Variants in MYCBP2 observed in about 807,000 individuals in gnomAD.
The protein encoded by MYCBP2 is E3 ubiquitin-protein ligase MYCBP2.
In MYCBP2, 120 loss-of-function variants were observed where a neutral mutation model predicts 525.3. That is an observed-to-expected ratio of 0.23 (90% CI 0.20 to 0.27). MYCBP2 has a LOEUF of 0.27. Ranked by LOEUF, MYCBP2 falls within the 10% of genes least tolerant of loss-of-function variation. The pLI is 1.00. For missense variants in MYCBP2, 4,149 were observed against 5,657.1 expected, an observed-to-expected ratio of 0.73 and a Z score of 8.55; for synonymous variants, 1,894 against 1,955.8, an observed-to-expected ratio of 0.97 and a Z score of 0.83.
At chr13:77,160,336 C>T (rs1439232455) in intron 44 of MYCBP2, among the ~76,000 whole-genome samples, 1 of 152,172 alleles carries the variant, frequency 6.6e-6, no homozygotes, top group African/African-American at 2.4e-5. Flanking sequence ...TGCTCTATGC[C>T]TCATTTGTAA....
intron 44 of MYCBP2, 104 bp downstream of exon 44, chr13:77,161,802 A>G: frequency 1.2e-6 from 1 of 806,948 alleles, no homozygotes. Context: ...AAAGTGAAGT[A>G]CTTAATGAAT....
At chr13:77,188,386 G>T (rs1454390781) in intron 30 of MYCBP2, among the ~76,000 whole-genome samples, 1 of 152,156 alleles carries the variant, frequency 6.6e-6, no homozygotes. Context: ...ATGCTATGAT[G>T]TAATTTACTT....
At chr13:77,154,732 T>A (rs2154197476) in intron 46 of MYCBP2, among the ~76,000 whole-genome samples, 1 of 152,230 alleles carries the variant, frequency 6.6e-6, no homozygotes, top group African/African-American at 2.4e-5. Context: ...CTTCAACATC[T>A]TAACGTGTAT....
intron 7 of MYCBP2, among the ~76,000 whole-genome samples, chr13:77,268,706 G>A (rs969685399): frequency 2.0e-5 from 3 of 151,942 alleles, no homozygotes; most frequent in Non-Finnish European, 4.4e-5. Flanking sequence ...CTGAACCTGG[G>A]AGGCGGAGGT....
chr13:77,227,417 C>A (rs560981131), intron 18 of MYCBP2, among the ~76,000 whole-genome samples: 1 of 150,588 alleles, frequency 6.6e-6, no homozygotes, highest in Non-Finnish European at 1.5e-5. Context: ...TTCAAAGCCT[C>A]CTCATGTTGG....
chr13:77,087,353 A>G (rs533238678), intron 62 of MYCBP2, 131 bp downstream of exon 62: 1 of 784,344 alleles, frequency 1.3e-6, no homozygotes, highest in East Asian at 2.7e-5. Flanking sequence ...TACTTTGCCC[A>G]TAGCACTAAA....
At chr13:77,187,579 C>T (rs953419899) in intron 30 of MYCBP2, among the ~76,000 whole-genome samples, 6 of 152,022 alleles carry the variant, frequency 3.9e-5, no homozygotes, top group Non-Finnish European at 7.4e-5. Flanking sequence ...AATAATGGTA[C>T]GCAAACGGAG....
Position 77,191,695 on chromosome 13 carries a change from T to A in MYCBP2, c.4054A>T (p.Ile1352Phe). 2 of 1,614,016 alleles carry A rather than the reference T, an allele frequency of 1.2e-6. No homozygotes were observed. Among genetic ancestry groups the A allele is most frequent in the South Asian group, 2.2e-5 (2 of 91,066 alleles). ...SDCGSHGQAS[I>F]TTDDGVVFQF... is the part of the protein sequence containing the mutation. ...TTTACTTACCCATCATCTGTGGTAA[T>A]AGATGCCTGTCCATGAGATCCACAG... The change falls in exon 28 of 83, where the codon ATT becomes TTT. Residue 1352 changes from isoleucine to phenylalanine, a missense_variant. Around this residue, in one of 21 missense-constraint regions of MYCBP2, gnomAD observed 620 missense variants for 795.5 expected, o/e 0.78. Coordinates refer to ENST00000544440, the MANE Select transcript of MYCBP2 (RefSeq NM_015057.5).
At chr13:77,162,341 C>T (rs2058034049) in intron 43 of MYCBP2, among the ~76,000 whole-genome samples, 1 of 152,314 alleles carries the variant, frequency 6.6e-6, no homozygotes, top group South Asian at 2.1e-4. Context: ...CTTTAGTAAA[C>T]AACAGGGACT....
At chr13:77,217,644 G>A (rs2065006781) in intron 21 of MYCBP2, among the ~76,000 whole-genome samples, 196 bp downstream of exon 21, 1 of 152,094 alleles carries the variant, frequency 6.6e-6, no homozygotes, top group Non-Finnish European at 1.5e-5. Flanking sequence ...CTAATGCTGA[G>A]CTAGAGAGGA....
Position 77,072,255 on chromosome 13 carries a change from C to T in MYCBP2, c.11824-1544G>A, listed in dbSNP as rs189852043. On this transcript the variant is annotated intron_variant, in intron 68 of 82. Transcript: ENST00000544440. ...GCAGTGAGCCGAGATTGCACCACTGCACTCCAGCCTGGGCGACAGGGCAAG... is the reference window on the plus strand; with the variant it reads ...GCAGTGAGCCGAGATTGCACCACTGTACTCCAGCCTGGGCGACAGGGCAAG... 2.4e-3 allele frequency among the ~76,000 whole-genome samples: 346 copies of T among 145,596 alleles called. 5 individuals carry two copies. Among genetic ancestry groups the T allele is most frequent in the African/African-American group, 8.6e-3 (336 of 39,194 alleles).
At chr13:77,137,248 G>A (rs565727860) in intron 52 of MYCBP2, among the ~76,000 whole-genome samples, 4 of 152,214 alleles carry the variant, frequency 2.6e-5, no homozygotes, top group East Asian at 3.9e-4. Context: ...AAATAAAATC[G>A]TGGGATTCAG....
chr13:77,165,363 A>C lies in MYCBP2; in HGVS notation c.6369T>G (p.Thr2123=). ...TGTCATCTTTCACATAATCTGATGC[A>C]GTCTCCAATGAAAAAAGGGCCTCAT... ...PGNEALFSLE[T]ASDYVKDDKA... is the part of the protein sequence containing the mutation. The change falls in exon 42 of 83, where the codon ACT becomes ACG. Residue 2123 remains threonine, a synonymous_variant. Transcript: ENST00000544440. 6.2e-7 allele frequency: 1 copy of C among 1,606,132 alleles called. No individual in the cohort carries two copies. Among genetic ancestry groups the C allele is most frequent in the Non-Finnish European group, 8.5e-7 (1 of 1,177,834 alleles).
chr13:77,205,177 C>T (rs2154275337), intron 26 of MYCBP2, 79 bp downstream of exon 26: 1 of 1,263,178 alleles, frequency 7.9e-7, no homozygotes, highest in Non-Finnish European at 1.0e-6. Flanking sequence ...AAAAATTAGA[C>T]ATTAAATAAT....
chr13:77,267,368 CTCTG>C (rs1398079405), intron 8 of MYCBP2, among the ~76,000 whole-genome samples: 2 of 150,960 alleles, frequency 1.3e-5, no homozygotes, highest in Non-Finnish European at 3.0e-5. Context: ...ACCCTAAACT[CTCTG>C]TCTCTGAAAC....
intron 55 of MYCBP2, chr13:77,118,499 C>T (rs773012960): frequency 1.4e-5 from 11 of 764,622 alleles, no homozygotes; most frequent in South Asian, 1.1e-4. Context: ...TGGTCACCTG[C>T]AGTGGGTAAA....
At chr13:77,132,907 T>C (rs2053140759) in intron 52 of MYCBP2, among the ~76,000 whole-genome samples, 1 of 152,168 alleles carries the variant, frequency 6.6e-6, no homozygotes, top group South Asian at 2.1e-4. Flanking sequence ...AGATTCCACA[T>C]CTTCAGAATT....
chr13:77,118,250 G>A (rs917488492), intron 55 of MYCBP2: 1 of 611,860 alleles, frequency 1.6e-6, no homozygotes, highest in African/African-American at 1.8e-5. Flanking sequence ...AAACCAGTCA[G>A]GTGAGTTGAT....
rs9574002 is a variant in MYCBP2 at position 77,126,326 on chromosome 13, C to T, written c.7876G>A (p.Val2626Met). The T allele has an allele frequency of 6.2e-7, 1 of 1,613,454 alleles. No homozygotes were observed. The highest frequency in any genetic ancestry group is 1.7e-5 in the Admixed American group (1 of 59,978). ...GCTACAAGAATCCATACCTCTCCCA[C>T]TGCTTTGACTTTGTTTCCCAGAACT... ...MLVLGNKVKAVGEVTNSEGTW... is the reference protein window; with the variant it reads ...MLVLGNKVKAMGEVTNSEGTW... The change falls in exon 53 of 83, where the codon GTG (valine) becomes ATG (methionine). Residue 2626 changes from valine to methionine, a missense_variant. Physicochemically the swap from Val to Met is conservative, Grantham distance 21 (BLOSUM62 1). Around this residue, in one of 21 missense-constraint regions of MYCBP2, gnomAD observed 653 missense variants for 744.7 expected, o/e 0.88. Coordinates refer to ENST00000544440, the MANE Select transcript of MYCBP2 (RefSeq NM_015057.5).
Sources: allele counts gnomAD v4.1 joint callset (sites outside exome capture counted in the v4.1 genomes callset), GRCh38; gene constraint gnomAD v4.1.1; regional missense constraint gnomAD v4.1.1; transcripts MANE v1.5; gene names NCBI Gene and HGNC (gene_info 2026-07-23, HGNC 2026-07-21).